SCFD2: variants seen among roughly 807,000 people sequenced by gnomAD.
SCFD2 encodes sec1 family domain-containing protein 2.
In SCFD2, 54 loss-of-function variants were observed where a neutral mutation model predicts 58.9. That is an observed-to-expected ratio of 0.92 (90% CI 0.74 to 1.15). The LOEUF (loss-of-function observed/expected upper bound fraction) is 1.15. Among genes scored for constraint, SCFD2 ranks in the 50% most tolerant of loss-of-function variants. SCFD2 has a pLI of 0.00. For synonymous variants in SCFD2, 321 were observed against 335.9 expected, an observed-to-expected ratio of 0.96 and a Z score of 0.49; for missense variants, 805 against 836.6, an observed-to-expected ratio of 0.96 and a Z score of 0.47.
intron 7 of SCFD2, among the ~76,000 whole-genome samples, chr4:52,904,056 C>T (rs186450941): frequency 1.4e-4 from 21 of 152,294 alleles, no homozygotes; most frequent in African/African-American, 3.6e-4. Flanking sequence ...CCACACCCCA[C>T]GGGAATAACT....
intron 5 of SCFD2, chr4:52,955,961 C>T (rs1198068455): frequency 2.3e-6 from 1 of 428,300 alleles, no homozygotes; most frequent in East Asian, 7.1e-5. Context: ...AACCTGGTGT[C>T]CCACAGTAGG....
At chr4:53,199,743 A>T (rs1412759799) in intron 4 of SCFD2, among the ~76,000 whole-genome samples, 1 of 152,152 alleles carries the variant, frequency 6.6e-6, no homozygotes, top group Non-Finnish European at 1.5e-5. Flanking sequence ...AGGGCATGGA[A>T]GCTACCTGTC....
intron 4 of SCFD2, among the ~76,000 whole-genome samples, chr4:53,262,313 C>CT (rs557958602): frequency 5.9e-5 from 9 of 151,892 alleles, no homozygotes; most frequent in African/African-American, 1.9e-4. Flanking sequence ...GCCTGGATGT[C>CT]TTTTTTTTCC....
At chr4:52,961,296 G>A (rs990397309) in intron 5 of SCFD2, among the ~76,000 whole-genome samples, 2 of 152,064 alleles carry the variant, frequency 1.3e-5, no homozygotes, top group Non-Finnish European at 2.9e-5. Context: ...TTGTTCAGAG[G>A]ATGTAATCCC....
At chr4:53,254,850 ATTTTATTTTATTTAT>A (rs1249889099) in intron 4 of SCFD2, among the ~76,000 whole-genome samples, 26 of 105,658 alleles carry the variant, frequency 2.5e-4, no homozygotes, top group Middle Eastern at 4.7e-3. Context: ...ATTTTATTTT[ATTTTATTTTATTTAT>A]TTTATTTTAT....
At chr4:53,237,533 T>C (rs1432333089) in intron 4 of SCFD2, among the ~76,000 whole-genome samples, 25 of 48,962 alleles carry the variant, frequency 5.1e-4, no homozygotes, top group Admixed American at 1.0e-3. Flanking sequence ...CCCCCACCTC[T>C]CTCCCAGATG....
At chr4:52,992,737 G>A (rs899088874) in intron 5 of SCFD2, among the ~76,000 whole-genome samples, 69 of 152,192 alleles carry the variant, frequency 4.5e-4, no homozygotes, top group African/African-American at 1.6e-3. Context: ...GAAGTGAAGA[G>A]CCCCTCCGCC....
intron 5 of SCFD2, among the ~76,000 whole-genome samples, chr4:52,935,979 A>G (rs999568453): frequency 3.3e-5 from 5 of 152,074 alleles, no homozygotes; most frequent in Non-Finnish European, 7.4e-5. Context: ...CTGGCATTAC[A>G]GGCATGCACC....
At chr4:53,363,302 C>T (rs1465238760) in intron 1 of SCFD2, among the ~76,000 whole-genome samples, 1 of 151,538 alleles carries the variant, frequency 6.6e-6, no homozygotes, top group East Asian at 2.0e-4. Flanking sequence ...CTAGTTTTTT[C>T]ATTTTTTATT....
chr4:52,924,243 A>T (rs900827289), intron 5 of SCFD2, among the ~76,000 whole-genome samples: 2 of 152,178 alleles, frequency 1.3e-5, no homozygotes, highest in African/African-American at 2.4e-5. Flanking sequence ...ATTATACAGT[A>T]TTTACTTAAA....
At chr4:53,053,527 T>C (rs1206288936) in intron 5 of SCFD2, among the ~76,000 whole-genome samples, 1 of 152,166 alleles carries the variant, frequency 6.6e-6, no homozygotes, top group Non-Finnish European at 1.5e-5. Flanking sequence ...TACAAAGCTC[T>C]TTGTAATCTA....
At chr4:53,276,377 A>G (rs750276799) in intron 3 of SCFD2, among the ~76,000 whole-genome samples, 2 of 152,160 alleles carry the variant, frequency 1.3e-5, no homozygotes, top group Non-Finnish European at 2.9e-5. Context: ...AAAAGACTTG[A>G]GTGGAAATCA....
intron 5 of SCFD2, among the ~76,000 whole-genome samples, chr4:53,033,508 C>CA (rs1366707845): frequency 1.3e-5 from 2 of 151,896 alleles, no homozygotes; most frequent in Non-Finnish European, 1.5e-5. Context: ...AAAAATCCTT[C>CA]AAAAAATCAA....
intron 5 of SCFD2, among the ~76,000 whole-genome samples, chr4:53,019,395 T>C (rs75668876): frequency 0.017 from 2,595 of 152,290 alleles, 77 homozygotes; most frequent in African/African-American, 0.06. Context: ...TGCTTATGAA[T>C]TGAAATAAGT....
chr4:53,013,295 T>C (rs1373675966), intron 5 of SCFD2, among the ~76,000 whole-genome samples: 1 of 152,256 alleles, frequency 6.6e-6, no homozygotes, highest in East Asian at 1.9e-4. Flanking sequence ...TTCATAGCCT[T>C]AATTCCCTTA....
At chr4:53,264,945 T>C (rs1730936525) in intron 4 of SCFD2, among the ~76,000 whole-genome samples, 1 of 152,212 alleles carries the variant, frequency 6.6e-6, no homozygotes, top group Non-Finnish European at 1.5e-5. Context: ...ATAACTCATT[T>C]ATATTTTATT....
intron 5 of SCFD2, chr4:52,945,865 C>T (rs1321257538): frequency 6.6e-6 from 1 of 152,080 alleles, no homozygotes; most frequent in Non-Finnish European, 1.5e-5. Context: ...TTTAACATTC[C>T]TTTCTCTTTT....
chr4:53,329,089 G>C (rs1560449470), intron 2 of SCFD2, among the ~76,000 whole-genome samples: 1 of 152,222 alleles, frequency 6.6e-6, no homozygotes, highest in Non-Finnish European at 1.5e-5. Flanking sequence ...GGCTCAGAGG[G>C]TCCTACGCCC....
intron 4 of SCFD2, among the ~76,000 whole-genome samples, chr4:53,224,512 G>A (rs1284162750): frequency 2.0e-5 from 3 of 152,270 alleles, no homozygotes; most frequent in East Asian, 1.9e-4. Context: ...GAGGCCATGC[G>A]TAGGCACTGC....
Sources: allele counts gnomAD v4.1 joint callset (sites outside exome capture counted in the v4.1 genomes callset), GRCh38; gene constraint gnomAD v4.1.1; transcripts MANE v1.5; gene names NCBI Gene and HGNC (gene_info 2026-07-23, HGNC 2026-07-21).